Variants in MYO16 observed in about 807,000 individuals in gnomAD.
The protein encoded by MYO16 is myosin XVI, also known as unconventional myosin-XVI.
Under a neutral mutation model 205.3 loss-of-function variants are expected in MYO16, and 94 were observed. The ratio of observed to expected loss-of-function variants is 0.46; its 90% CI spans 0.39 to 0.54. The LOEUF is 0.54. Among genes scored for constraint, MYO16 ranks in the 20% least tolerant of loss-of-function variants. The pLI is 0.00. For missense variants in MYO16, 2,315 were observed against 2,387.5 expected (o/e 0.97, Z 0.63); for synonymous variants, 988 against 954.0 (o/e 1.04, Z -0.66).
the MYO16 span, among the ~76,000 whole-genome samples, chr13:108,533,652 T>C: frequency 6.6e-6 from 1 of 152,338 alleles, no homozygotes; most frequent in South Asian, 2.1e-4. Flanking sequence ...CTCTGTCATA[T>C]GTATTTATCA....
chr13:108,815,027 G>A (rs1028058306), intron 7 of MYO16, among the ~76,000 whole-genome samples: 11 of 152,120 alleles, frequency 7.2e-5, no homozygotes, highest in Admixed American at 1.3e-4. Flanking sequence ...AATTAGAACT[G>A]TTAAGTGAAT....
At position 108,985,883 on chromosome 13, in the gene MYO16, T is replaced by C. The variant is rs185739850; in HGVS notation, c.2370-6493T>C. On this transcript the variant is annotated intron_variant, in intron 20 of 34. Transcript: ENST00000457511. The stretch of plus-strand genomic sequence containing the variant: ...TGTTTGTTTGTTTTCTACTGTTTTA[T>C]TGACGTATGTATTAGTCTGTTTTCA... Among the ~76,000 whole-genome samples, 137 of 152,344 alleles carry C rather than the reference T, an allele frequency of 9.0e-4. 1 individual carries two copies. Among genetic ancestry groups the C allele is most frequent in the African/African-American group, 3.2e-3 (132 of 41,578 alleles).
upstream of MYO16, among the ~76,000 whole-genome samples, chr13:108,628,353 C>T (rs1012267694): frequency 2.6e-5 from 4 of 152,148 alleles, no homozygotes; most frequent in East Asian, 3.9e-4. Flanking sequence ...TCATTTGGTA[C>T]ATACATAAGT....
chr13:108,516,018 C>T, the MYO16 span, among the ~76,000 whole-genome samples: 3 of 139,056 alleles, frequency 2.2e-5, no homozygotes, highest in African/African-American at 8.1e-5. Context: ...TTCGAGCTTC[C>T]CAGCTGCTTT....
intron 23 of MYO16, 114 bp from the exon 24 acceptor site, chr13:109,046,802 C>T: frequency 1.2e-6 from 1 of 822,616 alleles, no homozygotes; most frequent in African/African-American, 1.7e-5. Context: ...GACCTGAAGA[C>T]ACTTCTTTTA....
intron 14 of MYO16, among the ~76,000 whole-genome samples, chr13:108,891,452 A>G (rs753320656): frequency 7.2e-5 from 11 of 152,240 alleles, no homozygotes; most frequent in Non-Finnish European, 1.3e-4. Flanking sequence ...TCAATTCCAC[A>G]TATACACTAA....
At chr13:108,869,507 G>T (rs1878911979) in intron 12 of MYO16, among the ~76,000 whole-genome samples, 1 of 151,238 alleles carries the variant, frequency 6.6e-6, no homozygotes, top group African/African-American at 2.4e-5. Flanking sequence ...GGCGAATCAC[G>T]AGGTCAGGAG....
the MYO16 span, among the ~76,000 whole-genome samples, chr13:108,559,417 C>T: frequency 6.6e-6 from 1 of 150,972 alleles, no homozygotes. Context: ...GATTACATTT[C>T]TGCGTTTTAA....
intron 1 of MYO16, among the ~76,000 whole-genome samples, chr13:108,619,819 C>G (rs1594148505): frequency 1.3e-5 from 2 of 152,176 alleles, no homozygotes; most frequent in East Asian, 3.9e-4. Flanking sequence ...TACACAACAC[C>G]AACATGTAGG....
At chr13:109,177,819 A>T (rs1879278586) in intron 33 of MYO16, among the ~76,000 whole-genome samples, 2 of 152,108 alleles carry the variant, frequency 1.3e-5, no homozygotes, top group African/African-American at 2.4e-5. Flanking sequence ...CCCAGCCCCG[A>T]CTTCTAATTT....
At chr13:109,000,079 T>G (rs546183841) in intron 21 of MYO16, among the ~76,000 whole-genome samples, 1 of 152,182 alleles carries the variant, frequency 6.6e-6, no homozygotes, top group African/African-American at 2.4e-5. Context: ...CAAAGCTTAG[T>G]AAGGAGAATT....
At chr13:108,847,526 C>T (rs1877584671) in intron 10 of MYO16, among the ~76,000 whole-genome samples, 1 of 152,034 alleles carries the variant, frequency 6.6e-6, no homozygotes, top group African/African-American at 2.4e-5. Flanking sequence ...CCATAAAGCT[C>T]TAATTAACAT....
At position 108,928,504 on chromosome 13, in the gene MYO16, A is replaced by AT. The variant is rs138894371; in HGVS notation, c.1925+18357dup. Among the ~76,000 whole-genome samples the AT allele has an allele frequency of 7.8e-3, 1,190 of 152,362 alleles. 16 individuals carry two copies. Among genetic ancestry groups the AT allele is most frequent in the African/African-American group, 0.028 (1,149 of 41,588 alleles). On this transcript the variant is annotated intron_variant, in intron 16 of 34. Transcript: ENST00000457511. ...CTGAAGAGCAACATGGAATTCTTGC[A>AT]TTTGAATAAGTCATGTCCAGTGGAT...
chr13:109,175,841 C>A (rs920481778), intron 33 of MYO16, among the ~76,000 whole-genome samples: 5 of 151,808 alleles, frequency 3.3e-5, no homozygotes, highest in African/African-American at 1.2e-4. Flanking sequence ...GAGTCTTCAC[C>A]CTGGTTAAAA....
rs552009297 is a variant in MYO16 at position 108,769,677 on chromosome 13, A to C, written c.508-15958A>C. Among the ~76,000 whole-genome samples, 3 of 152,312 alleles carry C rather than the reference A, an allele frequency of 2.0e-5. No individual in the cohort carries two copies. The South Asian group carries it at 6.2e-4, about 32-fold the overall frequency. On this transcript the variant is annotated intron_variant, in intron 4 of 34. Coordinates refer to ENST00000457511, the MANE Select transcript of MYO16 (RefSeq NM_001198950.3). ...AGACCGGGTGGTTCTGGAATAACAG[A>C]TTAGAAAGACAGTTGGTGAGAATGG...
At chr13:109,013,112 C>CCT (rs1566460715) in intron 22 of MYO16, among the ~76,000 whole-genome samples, 6 of 33,066 alleles carry the variant, frequency 1.8e-4, no homozygotes, top group Admixed American at 3.1e-4. Flanking sequence ...TACCCCTCCC[C>CCT]CACCCCCCCC....
chr13:108,731,215 C>G (rs1477771956), intron 4 of MYO16, among the ~76,000 whole-genome samples: 12 of 152,212 alleles, frequency 7.9e-5, no homozygotes, highest in Non-Finnish European at 1.5e-5. Flanking sequence ...TTAGCACATG[C>G]ATGCATTGCT....
At chr13:108,701,588 C>T (rs1039649713) in intron 2 of MYO16, among the ~76,000 whole-genome samples, 5 of 152,056 alleles carry the variant, frequency 3.3e-5, no homozygotes, top group African/African-American at 4.8e-5. Context: ...ATAAATTAAC[C>T]AGTCTGTGCA....
intron 22 of MYO16, among the ~76,000 whole-genome samples, chr13:109,016,374 T>G (rs1885817786): frequency 6.6e-6 from 1 of 152,230 alleles, no homozygotes. Flanking sequence ...AGGAGTGCTT[T>G]ACTTCCAATT....
Sources: allele counts gnomAD v4.1 joint callset (sites outside exome capture counted in the v4.1 genomes callset), GRCh38; gene constraint gnomAD v4.1.1; transcripts MANE v1.5; gene names NCBI Gene and HGNC (gene_info 2026-07-23, HGNC 2026-07-21).